MKLN1: variants seen among roughly 807,000 people sequenced by gnomAD.
MKLN1 encodes the protein muskelin 1.
MKLN1 carries 18 observed loss-of-function variants against 99.0 expected under a neutral mutation model. That is an observed-to-expected ratio of 0.18 (90% CI 0.13 to 0.27). The LOEUF (loss-of-function observed/expected upper bound fraction) is 0.27, where lower values mean the gene tolerates loss of function less well. MKLN1 is among the 10% of genes least tolerant of loss of function. The pLI is 1.00. For missense variants in MKLN1, 621 were observed against 875.9 expected, an observed-to-expected ratio of 0.71 and a Z score of 3.67; for synonymous variants, 288 against 293.2, an observed-to-expected ratio of 0.98 and a Z score of 0.18.
chr7:131,263,376 T>TAA (rs1797763231), intron 3 of MKLN1, among the ~76,000 whole-genome samples: 1 of 70,072 alleles, frequency 1.4e-5, no homozygotes, highest in Non-Finnish European at 3.9e-5. Flanking sequence ...AATAATAAAA[T>TAA]TAGCTGGGTG....
At chr7:131,218,915 C>G (rs1206857337) in intron 3 of MKLN1, among the ~76,000 whole-genome samples, 1 of 152,170 alleles carries the variant, frequency 6.6e-6, no homozygotes, top group African/African-American at 2.4e-5. Flanking sequence ...GATGAACAGA[C>G]CCTTTCACAA....
chr7:131,304,382 A>T (rs1798423449), intron 3 of MKLN1, among the ~76,000 whole-genome samples: 1 of 152,196 alleles, frequency 6.6e-6, no homozygotes, highest in Non-Finnish European at 1.5e-5. Context: ...TCTAAAAACA[A>T]AATAAAACAA....
chr7:131,388,834 A>G lies in MKLN1; in HGVS notation c.312-50A>G, dbSNP rs777002018. 6.5e-6 allele frequency: 8 copies of G among 1,224,716 alleles called. No individual in the cohort carries two copies. The East Asian group carries it at 9.5e-5, about 15-fold the overall frequency. The allele number at this position is 1,224,716 out of a possible 1,614,324, so 75.9% of individuals were successfully genotyped here. ...TGTGCATTAATTCGTGTTCTAGTGC[A>G]TTTACTAAATTATGAAGTCAGATTT... is the stretch of plus-strand genomic sequence containing the variant. On this transcript the variant is annotated intron_variant, in intron 3 of 17. Transcript: ENST00000352689.
chr7:131,429,183 A>AG, intron 9 of MKLN1, 38 bp downstream of exon 9: 1 of 1,381,220 alleles, frequency 7.2e-7, no homozygotes, highest in Non-Finnish European at 1.0e-6. Flanking sequence ...ATATTACAGA[A>AG]GGGGCGTAGA....
intron 2 of MKLN1, among the ~76,000 whole-genome samples, chr7:131,381,763 T>C (rs961421913): frequency 6.6e-6 from 1 of 152,178 alleles, no homozygotes; most frequent in African/African-American, 2.4e-5. Context: ...ATAATTGTTT[T>C]CTTTTTTTTG....
intron 3 of MKLN1, among the ~76,000 whole-genome samples, chr7:131,245,381 C>T (rs1797471133): frequency 6.6e-6 from 1 of 150,632 alleles, no homozygotes; most frequent in South Asian, 2.2e-4. Flanking sequence ...AATTCTCCTA[C>T]CTCAGCCTCC....
At chr7:131,435,456 A>C (rs1795650203) in intron 9 of MKLN1, among the ~76,000 whole-genome samples, 1 of 152,040 alleles carries the variant, frequency 6.6e-6, no homozygotes, top group African/African-American at 2.4e-5. Context: ...TAAACAGTAG[A>C]GTTTTTTTTT....
chr7:131,164,020 G>A (rs992515600), intron 2 of MKLN1, among the ~76,000 whole-genome samples: 1 of 152,028 alleles, frequency 6.6e-6, no homozygotes, highest in Non-Finnish European at 1.5e-5. Context: ...ACAGGGCCTC[G>A]TTCCCAAATG....
chr7:131,340,430 C>T (rs1799375472), intron 1 of MKLN1, among the ~76,000 whole-genome samples: 1 of 151,896 alleles, frequency 6.6e-6, no homozygotes, highest in African/African-American at 2.4e-5. Flanking sequence ...AGGTGCGCAC[C>T]ACCACGCCTG....
At chr7:131,267,575 G>A (rs965046500) in intron 3 of MKLN1, among the ~76,000 whole-genome samples, 1 of 152,066 alleles carries the variant, frequency 6.6e-6, no homozygotes, top group African/African-American at 2.4e-5. Flanking sequence ...AACTTCATTT[G>A]GTGGGACATC....
At chr7:131,154,256 A>G (rs1644252006) in intron 2 of MKLN1, among the ~76,000 whole-genome samples, 1 of 152,140 alleles carries the variant, frequency 6.6e-6, no homozygotes, top group South Asian at 2.1e-4. Flanking sequence ...TAGACTTCTT[A>G]GAATTCACCT....
intron 3 of MKLN1, among the ~76,000 whole-genome samples, chr7:131,302,264 A>G (rs772131918): frequency 6.6e-6 from 1 of 152,160 alleles, no homozygotes; most frequent in South Asian, 2.1e-4. Context: ...CCCCTGACTC[A>G]TGGGAGGTGA....
At chr7:131,335,695 GT>G (rs11291759) in intron 1 of MKLN1, among the ~76,000 whole-genome samples, 79,709 of 144,156 alleles carry the variant, frequency 0.55, 21,800 homozygotes, top group Middle Eastern at 0.75. Context: ...TGACCTGTAG[GT>G]TTTTTTTTTT....
At chr7:131,271,292 G>A (rs1338885848) in intron 3 of MKLN1, among the ~76,000 whole-genome samples, 3 of 152,046 alleles carry the variant, frequency 2.0e-5, no homozygotes, top group East Asian at 1.9e-4. Flanking sequence ...CCTTTGCCAC[G>A]TTGAGGAAAG....
chr7:131,363,561 C>A (rs1800090974), intron 1 of MKLN1, among the ~76,000 whole-genome samples: 1 of 152,014 alleles, frequency 6.6e-6, no homozygotes, highest in Admixed American at 6.6e-5. Flanking sequence ...TTACCTATAT[C>A]TTGGAGCCTG....
rs147982555 is a variant in MKLN1, at chr7:131,474,419, A to G, written c.2031+3475A>G. On this transcript the variant is annotated intron_variant, in intron 16 of 17. Coordinates refer to ENST00000352689, the MANE Select transcript of MKLN1 (RefSeq NM_013255.5). ...GTTTGAGATATCTATGAGACAGCCA[A>G]CTTAAGATGTTGAGGTGACTGTTGG... Among the ~76,000 whole-genome samples, 736 of 152,296 alleles carry G rather than the reference A, an allele frequency of 4.8e-3. 4 individuals carry two copies. Among genetic ancestry groups the G allele is most frequent in the African/African-American group, 0.017 (699 of 41,566 alleles).
intron 17 of MKLN1, among the ~76,000 whole-genome samples, chr7:131,486,531 T>C (rs747835841): frequency 4.8e-4 from 73 of 152,120 alleles, no homozygotes; most frequent in Non-Finnish European, 5.9e-4. Flanking sequence ...CCTGTTCTTT[T>C]ACAAGACTAA....
At chr7:131,116,693 C>G (rs1795283139) in intron 1 of MKLN1, among the ~76,000 whole-genome samples, 1 of 151,492 alleles carries the variant, frequency 6.6e-6, no homozygotes, top group Non-Finnish European at 1.5e-5. Context: ...AAAAAAAAAC[C>G]TTTAAAACTC....
chr7:131,463,125 T>TA (rs1796564222), intron 12 of MKLN1, 92 bp from the exon 13 acceptor site: 1 of 1,173,068 alleles, frequency 8.5e-7, no homozygotes, highest in Non-Finnish European at 1.2e-6. Context: ...TGCTGTTCTT[T>TA]AAAAAAAGAA....
Sources: allele counts gnomAD v4.1 joint callset (sites outside exome capture counted in the v4.1 genomes callset), GRCh38; gene constraint gnomAD v4.1.1; transcripts MANE v1.5; gene names NCBI Gene and HGNC (gene_info 2026-07-23, HGNC 2026-07-21).